The following IL1RAPL2 variants were observed in gnomAD, a reference collection of about 807,000 sequenced individuals.
IL1RAPL2 encodes interleukin 1 receptor accessory protein like 2.
Under a neutral mutation model 44.1 loss-of-function variants are expected in IL1RAPL2, and 3 were observed. The ratio of observed to expected loss-of-function variants is 0.07; its 90% CI spans 0.03 to 0.18. The LOEUF (loss-of-function observed/expected upper bound fraction) is 0.18, where lower values mean the gene tolerates loss of function less well. Among genes scored for constraint, IL1RAPL2 ranks in the 10% least tolerant of loss-of-function variants. The pLI is 1.00. For missense variants in IL1RAPL2, 391 were observed against 496.4 expected (o/e 0.79, Z 2.02); for synonymous variants, 181 against 178.8 (o/e 1.01, Z -0.10).
At chrX:105,025,777 G>A (rs1487994422) in intron 2 of IL1RAPL2, among the ~76,000 whole-genome samples, 1 of 111,150 alleles carries the variant, frequency 9.0e-6, no homozygotes, top group Non-Finnish European at 1.9e-5. Context: ...CCATGATATT[G>A]TTTTATATTT....
intron 6 of IL1RAPL2, among the ~76,000 whole-genome samples, chrX:105,608,820 G>A (rs2037314606): frequency 8.9e-6 from 1 of 111,983 alleles, no homozygotes; most frequent in South Asian, 3.7e-4. Context: ...ATAAATATTA[G>A]TGAGCATATA....
At chrX:105,080,804 G>T (rs2032394526) in intron 2 of IL1RAPL2, among the ~76,000 whole-genome samples, 1 of 111,646 alleles carries the variant, frequency 9.0e-6, no homozygotes, top group Admixed American at 9.5e-5. Flanking sequence ...AAACTACTTT[G>T]GTCAGTATGG....
At chrX:105,280,611 AAAGGAT>A (rs1166867521) in intron 5 of IL1RAPL2, among the ~76,000 whole-genome samples, 1 of 111,973 alleles carries the variant, frequency 8.9e-6, no homozygotes, top group Non-Finnish European at 1.9e-5. Context: ...AAAAGTTGGC[AAAGGAT>A]ATGAACAGAC....
At chrX:104,889,078 C>G (rs1407918043) in intron 2 of IL1RAPL2, among the ~76,000 whole-genome samples, 3 of 111,257 alleles carry the variant, frequency 2.7e-5, no homozygotes, top group Non-Finnish European at 5.7e-5. Flanking sequence ...ATAGTAACTT[C>G]CGAGTCACCC....
At chrX:105,447,108 A>ATATATAAATATAT (rs2035963967) in intron 5 of IL1RAPL2, among the ~76,000 whole-genome samples, 1 of 20,600 alleles carries the variant, frequency 4.9e-5, no homozygotes, top group African/African-American at 2.4e-4. Flanking sequence ...TATATATATA[A>ATATATAAATATAT]AAATATATAT....
chrX:105,366,353 T>A (rs1466655372), intron 5 of IL1RAPL2, among the ~76,000 whole-genome samples: 1 of 111,052 alleles, frequency 9.0e-6, no homozygotes, highest in Non-Finnish European at 1.9e-5. Flanking sequence ...TCTAGTTTCT[T>A]ATTTTTTTTC....
chrX:105,030,553 T>G (rs2031470862), intron 2 of IL1RAPL2, among the ~76,000 whole-genome samples: 1 of 111,955 alleles, frequency 8.9e-6, no homozygotes. Context: ...ATCAGATGGT[T>G]GTAGATATGC....
intron 4 of IL1RAPL2, among the ~76,000 whole-genome samples, chrX:105,242,544 A>G (rs73636210): frequency 0.022 from 2,441 of 111,684 alleles, 59 homozygotes; most frequent in African/African-American, 0.077. Flanking sequence ...GTTTCACTGA[A>G]CTAAGCAATT....
chrX:105,556,265 GTTTTA>G (rs1479264705), intron 6 of IL1RAPL2, among the ~76,000 whole-genome samples: 1 of 111,566 alleles, frequency 9.0e-6, no homozygotes, highest in Non-Finnish European at 1.9e-5. Context: ...TACTTGCAAA[GTTTTA>G]TTTTAGTAAT....
intron 2 of IL1RAPL2, among the ~76,000 whole-genome samples, chrX:104,952,657 G>C (rs1387456329): frequency 9.0e-6 from 1 of 111,163 alleles, no homozygotes; most frequent in East Asian, 2.8e-4. Flanking sequence ...ATGGTAGATG[G>C]GCAAAAGATA....
intron 6 of IL1RAPL2, among the ~76,000 whole-genome samples, chrX:105,669,042 A>G (rs1356224717): frequency 9.0e-6 from 1 of 111,556 alleles, no homozygotes; most frequent in Non-Finnish European, 1.9e-5. Context: ...GGGTGGAAGG[A>G]TCTCATTTTA....
At chrX:104,885,440 C>T (rs1042543620) in intron 2 of IL1RAPL2, among the ~76,000 whole-genome samples, 12 of 111,325 alleles carry the variant, frequency 1.1e-4, no homozygotes, top group Middle Eastern at 9.4e-3. Context: ...CTGCCTTCCT[C>T]GAGTGGCTAT....
chrX:105,761,096 T>C (rs2038682689), intron 10 of IL1RAPL2, among the ~76,000 whole-genome samples: 1 of 107,507 alleles, frequency 9.3e-6, no homozygotes, highest in Admixed American at 1.0e-4. Context: ...GGAGAATTGC[T>C]TGAACCCAGG....
chrX:105,305,711 T>C (rs1048691778), intron 5 of IL1RAPL2, among the ~76,000 whole-genome samples: 5 of 112,080 alleles, frequency 4.5e-5, no homozygotes, highest in African/African-American at 1.6e-4. Flanking sequence ...GATAATAAGG[T>C]TGAGCCTTTA....
intron 6 of IL1RAPL2, among the ~76,000 whole-genome samples, chrX:105,515,954 G>T (rs2036510294): frequency 9.0e-6 from 1 of 111,716 alleles, no homozygotes; most frequent in Non-Finnish European, 1.9e-5. Context: ...AGAAGATTCT[G>T]GGCTGTGCTT....
intron 2 of IL1RAPL2, among the ~76,000 whole-genome samples, chrX:104,910,276 C>A (rs767279170): frequency 8.8e-4 from 99 of 112,099 alleles, no homozygotes; most frequent in Non-Finnish European, 1.5e-3. Flanking sequence ...TGAGACGAAC[C>A]CGGTGCCTAG....
intron 2 of IL1RAPL2, among the ~76,000 whole-genome samples, chrX:104,957,304 C>T (rs1348904890): frequency 9.0e-6 from 1 of 111,691 alleles, no homozygotes; most frequent in Non-Finnish European, 1.9e-5. Flanking sequence ...ATGCAAAGTC[C>T]CTGGAATTAA....
chrX:105,132,495 A>AC (rs2033038009), intron 2 of IL1RAPL2, among the ~76,000 whole-genome samples: 1 of 109,391 alleles, frequency 9.1e-6, no homozygotes, highest in Admixed American at 9.8e-5. Flanking sequence ...GGGAAAAAAA[A>AC]CACAAGAACA....
At chrX:104,771,236 CTATTT>C (rs376416050) in intron 2 of IL1RAPL2, among the ~76,000 whole-genome samples, 436 of 112,352 alleles carry the variant, frequency 3.9e-3, no homozygotes, top group African/African-American at 0.013. Flanking sequence ...CACATACCTT[CTATTT>C]TACCAGCCAT....
Sources: gnomAD v4.1 joint callset for allele counts (sites outside exome capture counted in the v4.1 genomes callset) on GRCh38, gnomAD v4.1.1 for gene constraint, MANE v1.5 for transcripts, NCBI Gene and HGNC (gene_info 2026-07-23, HGNC 2026-07-21) for gene names.